Variants in FLNB observed in about 807,000 individuals in gnomAD.
FLNB encodes the protein filamin B.
Under a neutral mutation model 250.6 loss-of-function variants are expected in FLNB, and 111 were observed. The observed-to-expected ratio is 0.44, with a 90% confidence interval of 0.38 to 0.52. The LOEUF is 0.52. Among genes scored for constraint, FLNB ranks in the 20% least tolerant of loss-of-function variants. FLNB has a pLI of 0.00. For synonymous variants in FLNB, 1,302 were observed against 1,372.1 expected (o/e 0.95, Z 1.13); for missense variants, 2,869 against 3,447.8 (o/e 0.83, Z 4.20).
chr3:58,094,749 C>T, intron 4 of FLNB, 87 bp from the exon 5 acceptor site: 3 of 1,127,738 alleles, frequency 2.7e-6, no homozygotes, highest in Non-Finnish European at 2.7e-6. Context: ...GGTCCCATCT[C>T]TCAGTTCCCT....
Position 58,008,452 on chromosome 3 carries a change from G to C in FLNB, c.-113G>C, listed in dbSNP as rs1041265619. On this transcript the variant is annotated 5_prime_UTR_variant, in exon 1 of 46. Coordinates refer to ENST00000295956, the MANE Select transcript of FLNB (RefSeq NM_001457.4). ...AGCACCGGCCGTGGCTCCGGTAGCA[G>C]CAAGTTCGAACCCCGCTCCCGCTCC... The C allele has an allele frequency of 3.9e-6, 5 of 1,293,882 alleles. 1 individual carries two copies. The highest frequency in any genetic ancestry group is 5.2e-4 in the Middle Eastern group (2 of 3,856). 80.2% of individuals were successfully genotyped at this position (1,293,882 alleles called of 1,614,324 possible).
intron 41 of FLNB, among the ~76,000 whole-genome samples, chr3:58,157,253 G>A (rs965141456): frequency 6.6e-5 from 10 of 152,130 alleles, no homozygotes; most frequent in African/African-American, 9.7e-5. Flanking sequence ...AAATAACATC[G>A]AAATCCCAAA....
intron 4 of FLNB, among the ~76,000 whole-genome samples, chr3:58,091,494 C>G (rs1277398216): frequency 1.3e-5 from 2 of 151,862 alleles, no homozygotes; most frequent in Admixed American, 6.6e-5. Flanking sequence ...CAAAACAAAA[C>G]AAAAGCAAAC....
At chr3:58,166,847 C>T (rs571714740) in intron 43 of FLNB, among the ~76,000 whole-genome samples, 46 of 149,704 alleles carry the variant, frequency 3.1e-4, no homozygotes, top group Admixed American at 2.3e-3. Flanking sequence ...GTAATAAGGC[C>T]GGGTGCGTTG....
chr3:58,150,399 A>C, intron 38 of FLNB, 172 bp downstream of exon 38: 1 of 733,898 alleles, frequency 1.4e-6, no homozygotes, highest in Non-Finnish European at 2.3e-6. Context: ...ATTTTCACAG[A>C]GTCTCATCCA....
At chr3:58,082,124 T>A (rs2097210030) in intron 4 of FLNB, among the ~76,000 whole-genome samples, 1 of 152,186 alleles carries the variant, frequency 6.6e-6, no homozygotes, top group Non-Finnish European at 1.5e-5. Context: ...GTGGGCCATC[T>A]GGCTGCTGAT....
At chr3:58,096,070 C>A (rs2097238013) in intron 5 of FLNB, 71 bp from the exon 6 acceptor site, 2 of 1,215,656 alleles carry the variant, frequency 1.6e-6, no homozygotes, top group African/African-American at 3.0e-5. Flanking sequence ...CCTGCAGAAC[C>A]CCTGCTGACA....
intron 1 of FLNB, among the ~76,000 whole-genome samples, chr3:58,032,184 C>A (rs1402868850): frequency 6.6e-6 from 1 of 152,130 alleles, no homozygotes; most frequent in Non-Finnish European, 1.5e-5. Context: ...ATCCTCTCTT[C>A]AGCCTCCCAA....
chr3:58,159,088 C>T (rs373469002), intron 41 of FLNB, among the ~76,000 whole-genome samples: 47 of 152,110 alleles, frequency 3.1e-4, no homozygotes, highest in African/African-American at 1.0e-3. Flanking sequence ...TCTTTGCACA[C>T]GTAGCCCTTT....
At chr3:58,131,903 C>A in intron 25 of FLNB, 2 of 1,502,940 alleles carry the variant, frequency 1.3e-6, no homozygotes, top group Non-Finnish European at 1.8e-6. Context: ...GAAGGACTCT[C>A]AAGTAACAGC....
At position 58,169,560 on chromosome 3, in the gene FLNB, A is replaced by G. The variant is rs148453175; in HGVS notation, c.7418-30A>G. ...GAGACCCCTCTTGATCTGGCCATTC[A>G]TGCCTGTCCCCCTCCCTCCTGTATC... is the stretch of plus-strand genomic sequence containing the variant. On this transcript the variant is annotated intron_variant, in intron 44 of 45. Transcript: ENST00000295956. The surrounding 1 kb of genome is among the most constrained non-coding windows in gnomAD (Gnocchi z 4.8). The G allele has an allele frequency of 5.0e-6, 8 of 1,589,606 alleles. No individual in the cohort carries two copies. The East Asian group carries it at 1.6e-4, about 31-fold the overall frequency.
At chr3:58,024,701 CT>C (rs1174805764) in intron 1 of FLNB, among the ~76,000 whole-genome samples, 3,129 of 83,688 alleles carry the variant, frequency 0.037, 56 homozygotes, top group Non-Finnish European at 0.054. Context: ...GCCAAGCCTC[CT>C]TTTTTTTTTT....
chr3:58,080,528 T>C (rs2106959930), intron 3 of FLNB, among the ~76,000 whole-genome samples: 1 of 148,536 alleles, frequency 6.7e-6, no homozygotes, highest in East Asian at 2.0e-4. Flanking sequence ...GGAGTCTTGC[T>C]CTGTCACATA....
At chr3:58,149,219 T>A in intron 36 of FLNB, 1 of 322,792 alleles carries the variant, frequency 3.1e-6, no homozygotes, top group South Asian at 3.1e-5. Context: ...CATGGTCATC[T>A]GAGCAGAGCT....
chr3:58,071,076 A>C (rs1281994122), intron 1 of FLNB, among the ~76,000 whole-genome samples: 2 of 150,272 alleles, frequency 1.3e-5, no homozygotes, highest in Admixed American at 1.3e-4. Context: ...CCTCTCAAGT[A>C]CTAGTTGGTA....
intron 1 of FLNB, among the ~76,000 whole-genome samples, chr3:58,018,962 C>CAAAAAAAA (rs34503609): frequency 1.4e-5 from 1 of 71,398 alleles, no homozygotes. Context: ...CACATCTCTA[C>CAAAAAAAA]AAAAAAAAAA....
At chr3:58,050,887 G>A (rs1037760718) in intron 1 of FLNB, among the ~76,000 whole-genome samples, 1 of 152,140 alleles carries the variant, frequency 6.6e-6, no homozygotes, top group Non-Finnish European at 1.5e-5. Context: ...TGTGAAATGG[G>A]GTAATATTTG....
At chr3:58,017,391 C>T (rs1358710556) in intron 1 of FLNB, among the ~76,000 whole-genome samples, 1 of 152,224 alleles carries the variant, frequency 6.6e-6, no homozygotes, top group Non-Finnish European at 1.5e-5. Flanking sequence ...GCTGGGATTA[C>T]AGGCATGCGC....
intron 42 of FLNB, among the ~76,000 whole-genome samples, chr3:58,161,697 G>A (rs1415403875): frequency 6.6e-6 from 1 of 152,108 alleles, no homozygotes; most frequent in African/African-American, 2.4e-5. Context: ...TTTGGTCATT[G>A]AGCTGCGCCC....
Sources: gnomAD v4.1 joint callset for allele counts (sites outside exome capture counted in the v4.1 genomes callset) on GRCh38, gnomAD v4.1.1 for gene constraint, Gnocchi (gnomAD v3.1) non-coding constraint, MANE v1.5 for transcripts, NCBI Gene and HGNC (gene_info 2026-07-23, HGNC 2026-07-21) for gene names.